The following HS3ST3B1 variants were observed in gnomAD, a reference collection of about 807,000 sequenced individuals.
HS3ST3B1 encodes the protein heparan sulfate glucosamine 3-O-sulfotransferase 3B1.
Under a neutral mutation model 21.3 loss-of-function variants are expected in HS3ST3B1, and 13 were observed. The ratio of observed to expected loss-of-function variants is 0.61; its 90% CI spans 0.40 to 0.97. The LOEUF is 0.97. HS3ST3B1 is among the 50% of genes least tolerant of loss of function. The pLI, the probability that HS3ST3B1 is intolerant of heterozygous loss-of-function variation, is 0.00. For synonymous variants in HS3ST3B1, 234 were observed against 254.8 expected, an observed-to-expected ratio of 0.92 and a Z score of 0.78; for missense variants, 459 against 554.8, an observed-to-expected ratio of 0.83 and a Z score of 1.73.
chr17:14,301,935 G>GT lies in HS3ST3B1; in HGVS notation c.417_418insT (p.Ala140CysfsTer220). The GT allele has an allele frequency of 6.2e-7, 1 of 1,609,990 alleles. No homozygotes were observed. Among genetic ancestry groups the GT allele is most frequent in the Non-Finnish European group, 8.5e-7 (1 of 1,178,744 alleles). ...GGTCTGGGAGCAAGCAGCTGCCGCA[G>GT]GCCATCATCATCGGCGTGAAGAAGG... On this transcript the variant is annotated frameshift_variant, in exon 1 of 2. Coordinates refer to ENST00000360954, the MANE Select transcript of HS3ST3B1 (RefSeq NM_006041.3). LOFTEE classifies it high-confidence loss of function.
chr17:14,320,757 T>C (rs1289351115), intron 1 of HS3ST3B1, among the ~76,000 whole-genome samples: 1 of 152,208 alleles, frequency 6.6e-6, no homozygotes, highest in Non-Finnish European at 1.5e-5. Context: ...TTTCATTAAG[T>C]TGAAGCCATG....
intron 1 of HS3ST3B1, among the ~76,000 whole-genome samples, chr17:14,310,719 G>A (rs1479294636): frequency 6.6e-6 from 1 of 152,162 alleles, no homozygotes; most frequent in African/African-American, 2.4e-5. Flanking sequence ...CTTGTGTACC[G>A]GAAACTCTCT....
intron 1 of HS3ST3B1, among the ~76,000 whole-genome samples, chr17:14,330,550 G>GGT (rs60767866): frequency 0.13 from 18,726 of 144,046 alleles, 1,221 homozygotes; most frequent in Non-Finnish European, 0.14. Context: ...CTGGTTTCCC[G>GGT]GTGTGTGTGT....
In HS3ST3B1 at chr17:14,301,892, T is replaced by C. The variant is rs1356185000; in HGVS notation, c.374T>C (p.Ile125Thr). Residue 125 changes from isoleucine to threonine, a missense_variant, in exon 1 of 2, where the codon ATC (isoleucine) becomes ACC (threonine). Ile to Thr is a moderately conservative substitution (Grantham distance 89). This residue lies in a region of HS3ST3B1 where 317 missense variants were observed against 278.6 expected (regional missense o/e 1.14). Coordinates refer to ENST00000360954, the MANE Select transcript of HS3ST3B1 (RefSeq NM_006041.3). ...GAGGTGCCGGACTCCCCAAGCCCCA[T>C]CTCCAGCTTTTTCAGTGGGTCTGGG... ...SPEVPDSPSP[I>T]SSFFSGSGSK... The C allele has an allele frequency of 1.2e-6, 2 of 1,608,590 alleles. No homozygotes were observed. Among genetic ancestry groups the C allele is most frequent in the Non-Finnish European group, 1.7e-6 (2 of 1,178,330 alleles).
At chr17:14,311,367 C>T (rs911519221) in intron 1 of HS3ST3B1, among the ~76,000 whole-genome samples, 8 of 152,148 alleles carry the variant, frequency 5.3e-5, no homozygotes, top group African/African-American at 1.4e-4. Context: ...GTGTGAGCCA[C>T]CACGCCAGAC....
In HS3ST3B1 at chr17:14,326,994, C is replaced by T. The variant is rs200695018; in HGVS notation, c.555-18034C>T. 7.3e-5 allele frequency among the ~76,000 whole-genome samples: 11 copies of T among 150,756 alleles called. No individual in the cohort carries two copies. In the East Asian group the frequency reaches 1.8e-3, roughly 24 times the overall value. The stretch of plus-strand genomic sequence containing the variant: ...TTGTCCCGAGCACAACTTCTGGGTG[C>T]CAATTTTTCACGTTTCTCATTTTCG... On this transcript the variant is annotated intron_variant, in intron 1 of 1. Transcript: ENST00000360954.
chr17:14,329,423 G>C (rs1314790728), intron 1 of HS3ST3B1: 1 of 146,638 alleles, frequency 6.8e-6, no homozygotes, highest in Non-Finnish European at 1.5e-5. Flanking sequence ...GAAAGAGAGA[G>C]AGGAAGGAAG....
At chr17:14,329,316 A>G (rs1270602486) in intron 1 of HS3ST3B1, 1 of 35,218 alleles carries the variant, frequency 2.8e-5, no homozygotes, top group Non-Finnish European at 6.5e-5. Flanking sequence ...AGAGAAAGAG[A>G]GAAAGAAAGA....
At chr17:14,317,206 T>C (rs188347484) in intron 1 of HS3ST3B1, among the ~76,000 whole-genome samples, 4 of 152,374 alleles carry the variant, frequency 2.6e-5, no homozygotes, top group African/African-American at 9.6e-5. Flanking sequence ...CACCTTCGCT[T>C]TCTGTGCGGC....
chr17:14,323,821 G>T (rs1006054528), intron 1 of HS3ST3B1, among the ~76,000 whole-genome samples: 1 of 152,158 alleles, frequency 6.6e-6, no homozygotes, highest in Non-Finnish European at 1.5e-5. Flanking sequence ...TCTCCAAAAC[G>T]TGCTAATGGG....
intron 1 of HS3ST3B1, among the ~76,000 whole-genome samples, chr17:14,324,511 G>C (rs985143124): frequency 2.4e-4 from 36 of 152,232 alleles, no homozygotes; most frequent in Middle Eastern, 6.8e-3. Context: ...TTAGCTTCCT[G>C]AGTAGCAAAA....
chr17:14,310,039 C>T (rs549895012), intron 1 of HS3ST3B1, among the ~76,000 whole-genome samples: 7 of 152,362 alleles, frequency 4.6e-5, no homozygotes, highest in Non-Finnish European at 8.8e-5. Flanking sequence ...CCACCCACTT[C>T]TATAATGGGT....
chr17:14,309,427 G>T (rs1007819424), intron 1 of HS3ST3B1, among the ~76,000 whole-genome samples: 1 of 152,240 alleles, frequency 6.6e-6, no homozygotes, highest in Non-Finnish European at 1.5e-5. Context: ...CTGGCTGAGC[G>T]GCCCGCGCTA....
At position 14,345,946 on chromosome 17, in the gene HS3ST3B1, G is replaced by T; in HGVS notation, c.*300G>T. On this transcript the variant is annotated 3_prime_UTR_variant, in exon 2 of 2. Coordinates refer to ENST00000360954, the MANE Select transcript of HS3ST3B1 (RefSeq NM_006041.3). ...CACAACTTGAGATTTTTGTTGTTAC[G>T]GGTATTCAGCCTTCAGTCACCGTCT... The T allele has an allele frequency of 3.2e-6, 1 of 314,392 alleles. No homozygotes were observed. The highest frequency in any genetic ancestry group is 5.7e-6 in the Non-Finnish European group (1 of 174,230). The allele number at this position is 314,392 out of a possible 1,614,324, so 19.5% of individuals were successfully genotyped here.
At chr17:14,335,376 A>C (rs1910155522) in intron 1 of HS3ST3B1, among the ~76,000 whole-genome samples, 1 of 152,224 alleles carries the variant, frequency 6.6e-6, no homozygotes, top group Non-Finnish European at 1.5e-5. Flanking sequence ...TTAAAGAAAA[A>C]AAAGCAACAG....
intron 1 of HS3ST3B1, among the ~76,000 whole-genome samples, chr17:14,309,276 G>C (rs909715885): frequency 1.3e-4 from 20 of 152,232 alleles, no homozygotes; most frequent in African/African-American, 4.3e-4. Context: ...CTGAGCCGGA[G>C]ACAGATGGCG....
intron 1 of HS3ST3B1, among the ~76,000 whole-genome samples, chr17:14,334,144 C>T (rs2142347308): frequency 6.6e-6 from 1 of 152,242 alleles, no homozygotes; most frequent in Admixed American, 6.5e-5. Flanking sequence ...AGAATTATTG[C>T]TAAAATGGGA....
chr17:14,301,776 C>T lies in HS3ST3B1; in HGVS notation c.258C>T (p.Pro86=). The change falls in exon 1 of 2, where the codon CCC becomes CCT. Residue 86 remains proline, a synonymous_variant. Coordinates refer to ENST00000360954, the MANE Select transcript of HS3ST3B1 (RefSeq NM_006041.3). ...CCACAGCTCCGGACGGGACGCCCCC[C>T]AGGCTGCCGTTCCGGGCGCCGCCAG... The part of the protein sequence containing the change: ...ALATAPDGTP[P]RLPFRAPPAT... 6.4e-7 allele frequency: 1 copy of T among 1,566,712 alleles called. No homozygotes were observed. The highest frequency in any genetic ancestry group is 8.6e-7 in the Non-Finnish European group (1 of 1,156,676).
In HS3ST3B1 at chr17:14,301,826, A is replaced by G; in HGVS notation, c.308A>G (p.Glu103Gly). The change falls in exon 1 of 2, where the codon GAG becomes GGG. Residue 103 changes from glutamate to glycine, a missense_variant. Physicochemically the swap from Glu to Gly is moderately conservative, Grantham distance 98. Coordinates refer to ENST00000360954, the MANE Select transcript of HS3ST3B1 (RefSeq NM_006041.3). Reference sequence around the variant, plus strand: ...GCCACCCCACTGGCTTCAGGCAAGGAGATGGCCGAGGGCGCTGCGAGCCCG... The same window carrying G: ...GCCACCCCACTGGCTTCAGGCAAGGGGATGGCCGAGGGCGCTGCGAGCCCG... ...PPATPLASGK[E>G]MAEGAASPEE... 6.4e-7 allele frequency: 1 copy of G among 1,569,058 alleles called. No individual in the cohort carries two copies. Among genetic ancestry groups the G allele is most frequent in the South Asian group, 1.2e-5 (1 of 85,540 alleles).
Sources: gnomAD v4.1 joint callset for allele counts (sites outside exome capture counted in the v4.1 genomes callset) on GRCh38, gnomAD v4.1.1 for gene constraint, gnomAD v4.1.1 regional missense constraint, MANE v1.5 for transcripts, NCBI Gene and HGNC (gene_info 2026-07-23, HGNC 2026-07-21) for gene names.